Variants in ITGA9 observed in about 807,000 individuals in gnomAD.
The protein encoded by ITGA9 is integrin alpha-9.
In ITGA9, 56 loss-of-function variants were observed where a neutral mutation model predicts 127.8. That is an observed-to-expected ratio of 0.44 (90% CI 0.35 to 0.55). The LOEUF is 0.55. ITGA9 is among the 20% of genes least tolerant of loss of function. The probability of loss-of-function intolerance (pLI) is 0.00; values close to 1 mark genes in which losing one functional copy is unlikely to be tolerated. For synonymous variants in ITGA9, 508 were observed against 514.5 expected (o/e 0.99, Z 0.17); for missense variants, 1,196 against 1,347.1 (o/e 0.89, Z 1.76).
chr3:37,665,371 A>G (rs903643861), intron 17 of ITGA9, among the ~76,000 whole-genome samples: 1 of 152,162 alleles, frequency 6.6e-6, no homozygotes, highest in Admixed American at 6.5e-5. Context: ...TGCTCAACCA[A>G]ATGGAACTTT....
chr3:37,465,784 C>T (rs1331091564), intron 1 of ITGA9, among the ~76,000 whole-genome samples: 6 of 152,144 alleles, frequency 3.9e-5, no homozygotes, highest in Admixed American at 3.9e-4. Context: ...TCAGAGTTCT[C>T]ACTTCAGAGC....
At chr3:37,572,357 A>T (rs150055454) in intron 15 of ITGA9, among the ~76,000 whole-genome samples, 26 of 152,288 alleles carry the variant, frequency 1.7e-4, no homozygotes, top group African/African-American at 5.3e-4. Flanking sequence ...CAGGAAAATG[A>T]CCGCAAGAAG....
At chr3:37,517,053 G>A (rs1223404546) in intron 9 of ITGA9, among the ~76,000 whole-genome samples, 1 of 152,110 alleles carries the variant, frequency 6.6e-6, no homozygotes, top group Non-Finnish European at 1.5e-5. Context: ...ACTCATATAT[G>A]CACTTTGCAA....
chr3:37,561,023 C>G (rs1016720759), intron 15 of ITGA9, among the ~76,000 whole-genome samples: 3 of 152,098 alleles, frequency 2.0e-5, no homozygotes, highest in Non-Finnish European at 4.4e-5. Context: ...TCTAAGGACT[C>G]CGGTCAGATT....
intron 20 of ITGA9, among the ~76,000 whole-genome samples, chr3:37,741,435 C>A (rs192232222): frequency 2.0e-5 from 3 of 152,316 alleles, no homozygotes; most frequent in African/African-American, 2.4e-5. Flanking sequence ...GTATGGCATG[C>A]CTTTATTGTC....
chr3:37,487,451 A>G (rs1698622381), intron 4 of ITGA9, among the ~76,000 whole-genome samples: 2 of 152,210 alleles, frequency 1.3e-5, no homozygotes, highest in South Asian at 2.1e-4. Flanking sequence ...CCTGTCTCCT[A>G]TACTTCAAAC....
chr3:37,496,831 C>T (rs904699322), intron 5 of ITGA9, among the ~76,000 whole-genome samples: 6 of 152,308 alleles, frequency 3.9e-5, no homozygotes, highest in Middle Eastern at 6.8e-3. Flanking sequence ...GATCCATTCA[C>T]GTGGCTCCTT....
intron 13 of ITGA9, among the ~76,000 whole-genome samples, chr3:37,526,778 A>C (rs536873661): frequency 1.3e-5 from 2 of 152,332 alleles, no homozygotes; most frequent in South Asian, 2.1e-4. Context: ...AGAACTTTCT[A>C]AAATAGACTA....
rs950682336 is a variant in ITGA9 at position 37,629,344 on chromosome 3, C to T, written c.1839+8C>T. The T allele has an allele frequency of 6.2e-7, 1 of 1,613,886 alleles. No individual in the cohort carries two copies. The highest frequency in any genetic ancestry group is 1.3e-5 in the African/African-American group (1 of 75,020). ...ATTGCCCAAAAGAATCAGGTCAGAA[C>T]CTTAAAGCTCATACTCAGCACCCAA... is the stretch of plus-strand genomic sequence containing the variant. On this transcript the variant is annotated splice_region_variant and intron_variant, in intron 16 of 27. Transcript: ENST00000264741. The surrounding 1 kb of genome is among the most constrained non-coding windows in gnomAD (Gnocchi z 4.5).
rs989598481 is a variant in ITGA9, at chr3:37,806,513, C to G, written c.3009+2571C>G. ...GCCTCTCAGGGGTGTCCTGTCTCCT[C>G]TGCACAGCCCCTGCCTCCTCCAGCC... On this transcript the variant is annotated intron_variant, in intron 27 of 27. Coordinates refer to ENST00000264741, the MANE Select transcript of ITGA9 (RefSeq NM_002207.3). The surrounding 1 kb of genome is among the most constrained non-coding windows in gnomAD (Gnocchi z 4.3). 6.6e-6 allele frequency: 1 copy of G among 152,652 alleles called. No individual in the cohort carries two copies. The highest frequency in any genetic ancestry group is 6.5e-5 in the Admixed American group (1 of 15,288). The allele number at this position is 152,652 out of a possible 1,614,324, so 9.5% of individuals were successfully genotyped here. A position where few individuals can be genotyped will look rare whatever the true frequency, so the allele number is the denominator to read the frequency against.
intron 15 of ITGA9, among the ~76,000 whole-genome samples, chr3:37,575,095 C>G (rs1699640274): frequency 6.6e-6 from 1 of 152,148 alleles, no homozygotes; most frequent in African/African-American, 2.4e-5. Context: ...CGTTGGTGAG[C>G]ATCTTGGTGG....
intron 18 of ITGA9, among the ~76,000 whole-genome samples, chr3:37,688,279 G>A (rs1391743322): frequency 5.9e-5 from 9 of 152,118 alleles, no homozygotes; most frequent in East Asian, 3.9e-4. Context: ...AGAGCTTCCT[G>A]AAAAGTAGTT....
At chr3:37,759,172 C>T (rs1323321000) in intron 23 of ITGA9, among the ~76,000 whole-genome samples, 5 of 151,736 alleles carry the variant, frequency 3.3e-5, no homozygotes, top group Non-Finnish European at 7.4e-5. Flanking sequence ...AGGCTGCACA[C>T]TCCAGGAAAA....
intron 17 of ITGA9, among the ~76,000 whole-genome samples, chr3:37,665,469 C>T (rs1426183329): frequency 2.6e-5 from 4 of 151,258 alleles, no homozygotes; most frequent in African/African-American, 7.3e-5. Context: ...TTTTTTTTTC[C>T]GAAAAAGTCT....
intron 15 of ITGA9, among the ~76,000 whole-genome samples, chr3:37,610,338 G>C (rs13099343): frequency 0.043 from 6,619 of 152,234 alleles, 205 homozygotes; most frequent in Non-Finnish European, 0.067. Context: ...TTTGTTCAAA[G>C]TTTCCATCTA....
chr3:37,571,745 C>T (rs919774737), intron 15 of ITGA9, among the ~76,000 whole-genome samples: 6 of 151,928 alleles, frequency 3.9e-5, no homozygotes, highest in Admixed American at 6.6e-5. Flanking sequence ...GGAGGGAATC[C>T]GCTTTCTGCT....
At chr3:37,535,573 A>G (rs1441034759) in intron 14 of ITGA9, among the ~76,000 whole-genome samples, 1 of 152,194 alleles carries the variant, frequency 6.6e-6, no homozygotes, top group African/African-American at 2.4e-5. Context: ...GTTGGATGGC[A>G]TCTTGTACTG....
rs567815666 is a variant in ITGA9 at position 37,543,229 on chromosome 3, G to A, written c.1689+644G>A. Among the ~76,000 whole-genome samples, 3 of 152,308 alleles carry A rather than the reference G, an allele frequency of 2.0e-5. No individual in the cohort carries two copies. The South Asian group carries it at 6.2e-4, about 32-fold the overall frequency. ...TGCAGCAGGCGCTGGCAGGGTGGAA[G>A]ACCTGGCAGTGCCTGATGCTGCAGG... On this transcript the variant is annotated intron_variant, in intron 15 of 27. Transcript: ENST00000264741.
intron 15 of ITGA9, among the ~76,000 whole-genome samples, chr3:37,558,933 GGT>G (rs1559536395): frequency 6.6e-6 from 1 of 152,136 alleles, no homozygotes; most frequent in Non-Finnish European, 1.5e-5. Context: ...TGGGCCTTCT[GGT>G]GCTGAGCTCC....
Sources: allele counts gnomAD v4.1 joint callset (sites outside exome capture counted in the v4.1 genomes callset), GRCh38; gene constraint gnomAD v4.1.1; non-coding constraint Gnocchi (gnomAD v3.1); transcripts MANE v1.5; gene names NCBI Gene and HGNC (gene_info 2026-07-23, HGNC 2026-07-21).